LRP1: variants seen among roughly 807,000 people sequenced by gnomAD.
LRP1 encodes prolow-density lipoprotein receptor-related protein 1.
In LRP1, 51 loss-of-function variants were observed where a neutral mutation model predicts 541.5. That is an observed-to-expected ratio of 0.09 (90% CI 0.08 to 0.12). The LOEUF (loss-of-function observed/expected upper bound fraction) is 0.12, where lower values mean the gene tolerates loss of function less well. LRP1 is among the 10% of genes least tolerant of loss of function. The pLI is 1.00. For missense variants in LRP1, 3,878 were observed against 6,376.2 expected, an observed-to-expected ratio of 0.61 and a Z score of 13.34; for synonymous variants, 2,219 against 2,470.8, an observed-to-expected ratio of 0.90 and a Z score of 3.02.
At chr12:57,188,416 C>G (rs569103577) in intron 42 of LRP1, among the ~76,000 whole-genome samples, 3 of 152,230 alleles carry the variant, frequency 2.0e-5, no homozygotes, top group African/African-American at 7.2e-5. Flanking sequence ...AGATTCCCCC[C>G]ACCAGTCCCC....
chr12:57,212,192 G>A lies in LRP1; in HGVS notation c.13425G>A (p.Met4475Ile). The change falls in exon 88 of 89, where the codon ATG becomes ATA. Residue 4475 changes from methionine to isoleucine, a missense_variant. This residue lies in a region of LRP1 where 871 missense variants were observed against 1,212.4 expected (regional missense o/e 0.72). Transcript: ENST00000243077. This position sits in a 1 kb window ranked among gnomAD's most constrained non-coding sequence, Gnocchi z 5.0. Reference sequence around the variant, plus strand: ...AGATTGGAAACCCCACCTACAAGATGTACGAAGGCGGAGAGCCTGATGATG... The same window carrying A: ...AGATTGGAAACCCCACCTACAAGATATACGAAGGCGGAGAGCCTGATGATG... ...NVEIGNPTYK[M>I]YEGGEPDDVG... 1 of 1,614,028 alleles carries A rather than the reference G, an allele frequency of 6.2e-7. No homozygotes were observed. The highest frequency in any genetic ancestry group is 8.5e-7 in the Non-Finnish European group (1 of 1,180,018).
rs2035768140 is a variant in LRP1 at position 57,163,003 on chromosome 12, G to T, written c.2530+20G>T. 1 of 1,589,196 alleles carries T rather than the reference G, an allele frequency of 6.3e-7. No individual in the cohort carries two copies. Among genetic ancestry groups the T allele is most frequent in the Middle Eastern group, 1.7e-4 (1 of 5,950 alleles). On this transcript the variant is annotated intron_variant, in intron 15 of 88. Transcript: ENST00000243077. The stretch of plus-strand genomic sequence containing the variant: ...GCTTGGGTATGAGGTGCCTGGCTGG[G>T]TGGGAGTGGGAAGCAGACCCCATCA...
At position 57,200,826 on chromosome 12, in the gene LRP1, G is replaced by GGGGGGGCCCCC; in HGVS notation, c.10225+11_10225+12insGGGGGGCCCCC. 1 of 1,581,406 alleles carries GGGGGGGCCCCC rather than the reference G, an allele frequency of 6.3e-7. No individual in the cohort carries two copies. The highest frequency in any genetic ancestry group is 8.6e-7 in the Non-Finnish European group (1 of 1,157,650). ...ACGAGGCCAACTGTGGTAAGGCGCT[G>GGGGGGGCCCCC]CCCGCCCACCCTCCCTCCTTCCCCA... is the stretch of plus-strand genomic sequence containing the variant. On this transcript the variant is annotated intron_variant, in intron 64 of 88. Transcript: ENST00000243077.
In LRP1 at chr12:57,166,039, G is replaced by A. The variant is rs754035714; in HGVS notation, c.2672-45G>A. The stretch of plus-strand genomic sequence containing the variant: ...CTATACTGGAGCGGGCAGGAAGCTG[G>A]GGGCACCCAACTTCTCGCTGACCCC... On this transcript the variant is annotated intron_variant, in intron 16 of 88. Coordinates refer to ENST00000243077, the MANE Select transcript of LRP1 (RefSeq NM_002332.3). 2.5e-6 allele frequency: 4 copies of A among 1,613,504 alleles called. No homozygotes were observed. The Admixed American group carries it at 5.0e-5, about 20-fold the overall frequency.
chr12:57,158,732 G>A lies in LRP1; in HGVS notation c.1798+94G>A. On this transcript the variant is annotated intron_variant, in intron 11 of 88. Transcript: ENST00000243077. The surrounding 1 kb of genome is among the most constrained non-coding windows in gnomAD (Gnocchi z 5.3). ...TGCCCTCTCAGCAGGATGGTCCCCTGCTGACTGGCTGGCTGCACTGGTTGG... is the reference window on the plus strand; with the variant it reads ...TGCCCTCTCAGCAGGATGGTCCCCTACTGACTGGCTGGCTGCACTGGTTGG... 1.8e-6 allele frequency: 2 copies of A among 1,127,984 alleles called. No homozygotes were observed. Among genetic ancestry groups the A allele is most frequent in the Non-Finnish European group, 2.6e-6 (2 of 765,340 alleles). 69.9% of individuals were successfully genotyped at this position (1,127,984 alleles called of 1,614,324 possible). A position where few individuals can be genotyped will look rare whatever the true frequency, so the allele number is the denominator to read the frequency against.
chr12:57,181,006 G>A, intron 33 of LRP1, 151 bp from the exon 34 acceptor site: 1 of 1,209,916 alleles, frequency 8.3e-7, no homozygotes, highest in South Asian at 1.5e-5. Flanking sequence ...GGGCCCAGGA[G>A]GACAGAAAAC....
At position 57,178,354 on chromosome 12, in the gene LRP1, C is replaced by G; in HGVS notation, c.4362-5C>G. The G allele has an allele frequency of 2.5e-6, 4 of 1,612,518 alleles. No individual in the cohort carries two copies. Among genetic ancestry groups the G allele is most frequent in the Non-Finnish European group, 3.4e-6 (4 of 1,178,832 alleles). On this transcript the variant is annotated splice_region_variant and splice_polypyrimidine_tract_variant and intron_variant, in intron 26 of 88. Transcript: ENST00000243077. This position sits in a 1 kb window ranked among gnomAD's most constrained non-coding sequence, Gnocchi z 5.8. ...CATCCTCATTCTGCTCCATCATGCTCTTAGGTCAGATGCCATTTACTCAGC... is the reference window on the plus strand; with the variant it reads ...CATCCTCATTCTGCTCCATCATGCTGTTAGGTCAGATGCCATTTACTCAGC...
rs1344324180 is a variant in LRP1 at position 57,162,532 on chromosome 12, GC to G, written c.2404+15del. ...AGCAGCAGCAAGGTACCTCCTTGGG[GC>G]TGGGGGCAGCGTGGGACCTGGAAGG... is the stretch of plus-strand genomic sequence containing the variant. On this transcript the variant is annotated intron_variant, in intron 14 of 88. Transcript: ENST00000243077. This position sits in a 1 kb window ranked among gnomAD's most constrained non-coding sequence, Gnocchi z 5.2. 4 of 1,612,990 alleles carry G rather than the reference GC, an allele frequency of 2.5e-6. No individual in the cohort carries two copies. Among genetic ancestry groups the G allele is most frequent in the Non-Finnish European group, 1.7e-6 (2 of 1,179,880 alleles).
intron 43 of LRP1, 151 bp downstream of exon 43, chr12:57,191,160 C>T: frequency 1.8e-6 from 2 of 1,115,252 alleles, no homozygotes; most frequent in Non-Finnish European, 2.6e-6. Flanking sequence ...CAACCCCACC[C>T]TGTCCAGCTT....
In LRP1 at chr12:57,129,671, G is replaced by A. The variant is rs537185834; in HGVS notation, c.67+640G>A. On this transcript the variant is annotated intron_variant, in intron 1 of 88. Transcript: ENST00000243077. ...AGTAGCCTGGGGTAGGGCTGTGTTG[G>A]GGGGCAGAGAGGGGGAGCTCGCCAT... Among the ~76,000 whole-genome samples, 3 of 152,332 alleles carry A rather than the reference G, an allele frequency of 2.0e-5. No homozygotes were observed. In the East Asian group the frequency reaches 5.8e-4, roughly 29 times the overall value.
In LRP1 at chr12:57,158,279, T is replaced by C. The variant is rs1181028793; in HGVS notation, c.1562-123T>C. On this transcript the variant is annotated intron_variant, in intron 10 of 88. Transcript: ENST00000243077. The surrounding 1 kb of genome is among the most constrained non-coding windows in gnomAD (Gnocchi z 5.3). ...TGGTCTGTCCATCTGACCCAGAGCC[T>C]CGCATCCCTAACGTCTCCTGACCCA... 4 of 782,454 alleles carry C rather than the reference T, an allele frequency of 5.1e-6. No homozygotes were observed. Among genetic ancestry groups the C allele is most frequent in the Non-Finnish European group, 6.4e-6 (3 of 472,290 alleles). The allele number at this position is 782,454 out of a possible 1,614,324, so 48.5% of individuals were successfully genotyped here.
intron 52 of LRP1, 89 bp downstream of exon 52, chr12:57,195,488 A>G (rs2036511931): frequency 1.3e-6 from 2 of 1,580,290 alleles, no homozygotes; most frequent in Admixed American, 3.4e-5. Context: ...AGGAGAGGAA[A>G]TGCCTCAGCG....
chr12:57,185,787 C>G lies in LRP1; in HGVS notation c.6720C>G (p.Ala2240=), dbSNP rs1388727939. The G allele has an allele frequency of 6.2e-7, 1 of 1,614,128 alleles. No individual in the cohort carries two copies. Among genetic ancestry groups the G allele is most frequent in the Non-Finnish European group, 8.5e-7 (1 of 1,180,058 alleles). ...PEHMKNVIAL[A]FDYRAGTSPG... is the part of the protein sequence containing the mutation. ...ACATGAAGAACGTCATCGCCCTGGC[C>G]TTTGACTACCGGGCAGGCACCTCTC... Residue 2240 remains alanine (A), a synonymous_variant, in exon 41 of 89, where the codon GCC becomes GCG. Transcript: ENST00000243077. This position sits in a 1 kb window ranked among gnomAD's most constrained non-coding sequence, Gnocchi z 4.9.
chr12:57,177,892 G>A lies in LRP1; in HGVS notation c.4361+301G>A, dbSNP rs1007182607. On this transcript the variant is annotated intron_variant, in intron 26 of 88. Coordinates refer to ENST00000243077, the MANE Select transcript of LRP1 (RefSeq NM_002332.3). The surrounding 1 kb of genome is among the most constrained non-coding windows in gnomAD (Gnocchi z 6.8). Reference sequence around the variant, plus strand: ...TCTGCTGGGGCTGTGTCTGCCCAGAGGGAGGGGAAACTTCTTTCTAATTGG... The same window carrying A: ...TCTGCTGGGGCTGTGTCTGCCCAGAAGGAGGGGAAACTTCTTTCTAATTGG... Among the ~76,000 whole-genome samples, 1 of 152,120 alleles carries A rather than the reference G, an allele frequency of 6.6e-6. No individual in the cohort carries two copies. The highest frequency in any genetic ancestry group is 1.5e-5 in the Non-Finnish European group (1 of 68,024).
At chr12:57,137,978 G>T (rs865775418) in intron 1 of LRP1, among the ~76,000 whole-genome samples, 18 of 152,164 alleles carry the variant, frequency 1.2e-4, no homozygotes, top group African/African-American at 3.1e-4. Context: ...GAAGGATGGG[G>T]TGATGGGTCA....
Position 57,179,484 on chromosome 12 carries a change from T to C in LRP1, c.4894T>C (p.Ser1632Pro). 1 of 1,614,214 alleles carries C rather than the reference T, an allele frequency of 6.2e-7. No homozygotes were observed. The highest frequency in any genetic ancestry group is 8.5e-7 in the Non-Finnish European group (1 of 1,180,024). The change falls in exon 29 of 89, where the codon TCT becomes CCT. Residue 1632 changes from serine (S) to proline (P), a missense_variant. Physicochemically the swap from Ser to Pro is moderately conservative, Grantham distance 74 (BLOSUM62 -1). This residue lies in a region of LRP1 where 394 missense variants were observed against 635.9 expected (regional missense o/e 0.62). Coordinates refer to ENST00000243077, the MANE Select transcript of LRP1 (RefSeq NM_002332.3). The surrounding 1 kb of genome is among the most constrained non-coding windows in gnomAD (Gnocchi z 6.8). Reference protein sequence around the residue: ...YDAREQRVYWSDVRTQAIKRA... With the variant: ...YDAREQRVYWPDVRTQAIKRA... ...TGCCCGCGAGCAGCGTGTGTACTGG[T>C]CTGACGTGCGGACACAGGCCATCAA...
Position 57,184,159 on chromosome 12 carries a change from G to T in LRP1, c.6004G>T (p.Val2002Leu), listed in dbSNP as rs1424609302. The change falls in exon 37 of 89, where the codon GTG becomes TTG. Residue 2002 changes from valine to leucine, a missense_variant. By Grantham distance (32) the Val-to-Leu change is conservative. This residue lies in a region of LRP1 where 394 missense variants were observed against 635.9 expected (regional missense o/e 0.62). Coordinates refer to ENST00000243077, the MANE Select transcript of LRP1 (RefSeq NM_002332.3). The surrounding 1 kb of genome is among the most constrained non-coding windows in gnomAD (Gnocchi z 7.8). Reference protein sequence around the residue: ...ARLNGSFRYVVISQGLDKPRA... With the variant: ...ARLNGSFRYVLISQGLDKPRA... ...GCTCAATGGCTCCTTCCGCTACGTG[G>T]TGATCTCCCAGGGTCTAGACAAGCC... 2 of 1,613,978 alleles carry T rather than the reference G, an allele frequency of 1.2e-6. No homozygotes were observed. The highest frequency in any genetic ancestry group is 8.5e-7 in the Non-Finnish European group (1 of 1,180,016).
chr12:57,211,902 T>C lies in LRP1; in HGVS notation c.13259-25T>C. The stretch of plus-strand genomic sequence containing the variant: ...TCCTGCTTCCCTGAGCCTTGGTGAC[T>C]CAGTGTCCCACCTCTTCCCTCCAGA... On this transcript the variant is annotated intron_variant, in intron 86 of 88. Coordinates refer to ENST00000243077, the MANE Select transcript of LRP1 (RefSeq NM_002332.3). The surrounding 1 kb of genome is among the most constrained non-coding windows in gnomAD (Gnocchi z 4.3). The C allele has an allele frequency of 6.2e-7, 1 of 1,613,704 alleles. No individual in the cohort carries two copies. The highest frequency in any genetic ancestry group is 8.5e-7 in the Non-Finnish European group (1 of 1,179,650).
rs1257134182 is a variant in LRP1 at position 57,204,601 on chromosome 12, GCT to G, written c.11072-23_11072-22del. 1 of 1,612,854 alleles carries G rather than the reference GCT, an allele frequency of 6.2e-7. No homozygotes were observed. Among genetic ancestry groups the G allele is most frequent in the African/African-American group, 1.3e-5 (1 of 74,898 alleles). On this transcript the variant is annotated intron_variant, in intron 71 of 88. Transcript: ENST00000243077. This position sits in a 1 kb window ranked among gnomAD's most constrained non-coding sequence, Gnocchi z 5.3. ...ACCCCCACTCCCAAGACTAATTCTG[GCT>G]CTGTGTCCCCCTGGCTGCTGCAGCC...
Sources: allele counts gnomAD v4.1 joint callset (sites outside exome capture counted in the v4.1 genomes callset), GRCh38; gene constraint gnomAD v4.1.1; regional missense constraint gnomAD v4.1.1; non-coding constraint Gnocchi (gnomAD v3.1); transcripts MANE v1.5; gene names NCBI Gene and HGNC (gene_info 2026-07-23, HGNC 2026-07-21).